Variants in LIPF observed in about 807,000 individuals in gnomAD.
The protein encoded by LIPF is lipase F, gastric type.
A neutral mutation model predicts 38.0 loss-of-function variants in LIPF; 25 were observed. The ratio of observed to expected loss-of-function variants is 0.66; its 90% CI spans 0.48 to 0.92. The LOEUF (loss-of-function observed/expected upper bound fraction) is 0.92. LIPF is among the 40% of genes least tolerant of loss of function. The pLI is 0.00. For synonymous variants in LIPF, 161 were observed against 156.2 expected (o/e 1.03, Z -0.23); for missense variants, 410 against 469.9 (o/e 0.87, Z 1.18).
At chr10:88,668,474 T>A in intron 3 of LIPF, 84 bp from the exon 4 acceptor site, 2 of 1,154,282 alleles carry the variant, frequency 1.7e-6, no homozygotes, top group East Asian at 4.9e-5. Context: ...TTAGTGCTAG[T>A]CATATGGAAG....
At chr10:88,670,053 T>A (rs557175621) in intron 5 of LIPF, 107 bp downstream of exon 5, 1 of 698,398 alleles carries the variant, frequency 1.4e-6, no homozygotes, top group Admixed American at 2.3e-5. Flanking sequence ...ATTCATTTAA[T>A]GCCTCCAACA....
chr10:88,667,531 A>G, intron 2 of LIPF, 38 bp from the exon 3 acceptor site: 2 of 1,224,612 alleles, frequency 1.6e-6, no homozygotes, highest in Non-Finnish European at 2.4e-6. Flanking sequence ...ATATCTAAAA[A>G]TCAACTAAAA....
At chr10:88,675,551 G>C (rs1841671838) in intron 7 of LIPF, 35 bp from the exon 8 acceptor site, 5 of 1,436,998 alleles carry the variant, frequency 3.5e-6, no homozygotes, top group Admixed American at 1.7e-5. Flanking sequence ...ATGTGTCTTA[G>C]TATGTATATA....
chr10:88,665,991 C>A (rs1367644258), intron 1 of LIPF, among the ~76,000 whole-genome samples: 1 of 152,120 alleles, frequency 6.6e-6, no homozygotes, highest in Non-Finnish European at 1.5e-5. Context: ...CCCGCCTCGG[C>A]CTCCCAAAGT....
Position 88,676,291 on chromosome 10 carries a change from T to A in LIPF, c.960+11T>A. ...ATGCACTATGATCAGGTAAGCTTCT[T>A]AAAGATGGAATTATTCACATTTTGA... On this transcript the variant is annotated intron_variant, in intron 9 of 9. Transcript: ENST00000238983. 1 of 1,539,036 alleles carries A rather than the reference T, an allele frequency of 6.5e-7. No homozygotes were observed. The highest frequency in any genetic ancestry group is 8.9e-7 in the Non-Finnish European group (1 of 1,122,906).
At position 88,673,624 on chromosome 10, in the gene LIPF, TTC is replaced by T; in HGVS notation, c.708_709del (p.Phe237Ter). On this transcript the variant is annotated frameshift_variant, in exon 7 of 10. Transcript: ENST00000238983. LOFTEE classifies it high-confidence loss of function. ...FGDKIFYPHN[F>X]FDQFLATEVC... ...TGACAAAATATTCTACCCACACAAC[TTC>T]TTTGATCAATTTCTTGCTACTGAAG... The T allele has an allele frequency of 1.9e-6, 3 of 1,612,260 alleles. No homozygotes were observed. Among genetic ancestry groups the T allele is most frequent in the Non-Finnish European group, 2.5e-6 (3 of 1,178,540 alleles).
At chr10:88,670,116 A>G (rs1841572793) in intron 5 of LIPF, among the ~76,000 whole-genome samples, 170 bp downstream of exon 5, 1 of 152,178 alleles carries the variant, frequency 6.6e-6, no homozygotes, top group Non-Finnish European at 1.5e-5. Context: ...AAACAAAACA[A>G]GGGGATACAG....
chr10:88,673,809 ACTTT>A, intron 7 of LIPF, 75 bp downstream of exon 7: 1 of 1,219,198 alleles, frequency 8.2e-7, no homozygotes, highest in Non-Finnish European at 1.2e-6. Context: ...TAGAAGTGGT[ACTTT>A]ATGAGAACTA....
At chr10:88,667,464 G>A (rs1841530262) in intron 2 of LIPF, 62 bp downstream of exon 2, 4 of 1,107,888 alleles carry the variant, frequency 3.6e-6, no homozygotes, top group Non-Finnish European at 5.4e-6. Context: ...AAATCATAAT[G>A]AGTTAAAGAT....
chr10:88,676,425 A>C, intron 9 of LIPF, 145 bp downstream of exon 9: 1 of 616,252 alleles, frequency 1.6e-6, no homozygotes, highest in Non-Finnish European at 2.9e-6. Context: ...ATGACTATGC[A>C]TTCCTGCTCT....
At chr10:88,667,232 A>G in intron 1 of LIPF, 55 bp from the exon 2 acceptor site, 5 of 949,604 alleles carry the variant, frequency 5.3e-6, no homozygotes, top group Non-Finnish European at 8.3e-6. Flanking sequence ...ATAAAATATA[A>G]GCATTATGAA....
At chr10:88,671,455 T>G (rs905041434) in intron 5 of LIPF, among the ~76,000 whole-genome samples, 1 of 152,190 alleles carries the variant, frequency 6.6e-6, no homozygotes, top group Non-Finnish European at 1.5e-5. Flanking sequence ...CTACTCATAT[T>G]AAGTGTTAAT....
At chr10:88,671,413 AT>A (rs1841594363) in intron 5 of LIPF, among the ~76,000 whole-genome samples, 1 of 152,140 alleles carries the variant, frequency 6.6e-6, no homozygotes, top group South Asian at 2.1e-4. Flanking sequence ...TCATATTTAA[AT>A]TTCTACTCTT....
At chr10:88,665,671 G>T in intron 1 of LIPF, 1 of 654,906 alleles carries the variant, frequency 1.5e-6, no homozygotes, top group African/African-American at 1.8e-5. Context: ...CTACTGGTTA[G>T]TCTTTATATA....
chr10:88,668,033 T>C (rs1290426171), intron 3 of LIPF, among the ~76,000 whole-genome samples: 1 of 152,134 alleles, frequency 6.6e-6, no homozygotes, highest in African/African-American at 2.4e-5. Context: ...GAAAGCTCAC[T>C]CTCAGAAACA....
At chr10:88,667,716 TTC>T in intron 3 of LIPF, 30 bp downstream of exon 3, 1 of 914,622 alleles carries the variant, frequency 1.1e-6, no homozygotes, top group South Asian at 1.5e-5. Context: ...CTTCCTTCCT[TTC>T]TCTCTTTTTT....
chr10:88,665,574 C>T, intron 1 of LIPF: 1 of 1,529,008 alleles, frequency 6.5e-7, no homozygotes, highest in East Asian at 2.4e-5. Context: ...GTTAAGTGTC[C>T]TCACTTTACA....
At chr10:88,666,624 A>G (rs1019654599) in intron 1 of LIPF, among the ~76,000 whole-genome samples, 1 of 152,172 alleles carries the variant, frequency 6.6e-6, no homozygotes, top group Non-Finnish European at 1.5e-5. Context: ...TGGGAAGCCC[A>G]GGCGGGAAGA....
At chr10:88,666,981 CTTTT>C in intron 1 of LIPF, among the ~76,000 whole-genome samples, 1 of 142,784 alleles carries the variant, frequency 7.0e-6, no homozygotes, top group East Asian at 2.0e-4. Flanking sequence ...CAATTAGAGG[CTTTT>C]TTTTTTTGCC....
Sources: gnomAD v4.1 joint callset for allele counts (sites outside exome capture counted in the v4.1 genomes callset) on GRCh38, gnomAD v4.1.1 for gene constraint, MANE v1.5 for transcripts, NCBI Gene and HGNC (gene_info 2026-07-23, HGNC 2026-07-21) for gene names.